The following TCTN3 variants were observed in gnomAD, a reference collection of about 807,000 sequenced individuals.
The protein encoded by TCTN3 is tectonic family member 3, also known as tectonic-3.
Under a neutral mutation model 71.3 loss-of-function variants are expected in TCTN3, and 57 were observed. The ratio of observed to expected loss-of-function variants is 0.80; its 90% CI spans 0.65 to 1.00. The LOEUF (loss-of-function observed/expected upper bound fraction) is 1.00, where lower values mean the gene tolerates loss of function less well. TCTN3 is among the 50% of genes least tolerant of loss of function. The pLI is 0.00. For synonymous variants in TCTN3, 258 were observed against 267.8 expected (o/e 0.96, Z 0.36); for missense variants, 696 against 719.9 (o/e 0.97, Z 0.38).
chr10:95,683,968 A>AAT (rs1555269959), intron 9 of TCTN3, among the ~76,000 whole-genome samples: 1 of 151,652 alleles, frequency 6.6e-6, no homozygotes, highest in Non-Finnish European at 1.5e-5. Context: ...GTAATTAAAA[A>AAT]ATATATATTT....
intron 3 of TCTN3, 89 bp downstream of exon 3, chr10:95,692,831 G>T (rs2097954797): frequency 3.1e-6 from 3 of 971,746 alleles, no homozygotes; most frequent in South Asian, 1.3e-5. Context: ...TGTGGCCCAA[G>T]ACAATTCTTC....
intron 13 of TCTN3, among the ~76,000 whole-genome samples, chr10:95,674,349 T>C (rs919470308): frequency 4.6e-5 from 7 of 152,112 alleles, no homozygotes; most frequent in African/African-American, 1.4e-4. Flanking sequence ...TAGAGTTTCC[T>C]AGTGACTTTA....
chr10:95,693,533 C>T, intron 1 of TCTN3, 57 bp from the exon 2 acceptor site: 1 of 1,550,352 alleles, frequency 6.5e-7, no homozygotes, highest in Non-Finnish European at 8.7e-7. Context: ...CTCCCAGGTG[C>T]TCACCCTCCT....
intron 13 of TCTN3, among the ~76,000 whole-genome samples, chr10:95,675,804 T>A (rs2097936419): frequency 6.6e-6 from 1 of 152,256 alleles, no homozygotes; most frequent in African/African-American, 2.4e-5. Context: ...TAAAATCTAA[T>A]GTTGAATTAC....
intron 3 of TCTN3, 106 bp downstream of exon 3, chr10:95,692,814 T>G: frequency 1.2e-6 from 1 of 807,520 alleles, no homozygotes; most frequent in Non-Finnish European, 2.1e-6. Context: ...CGTTAGTGTA[T>G]TTTACGTGTG....
intron 13 of TCTN3, among the ~76,000 whole-genome samples, chr10:95,671,636 T>G (rs1025145177): frequency 3.3e-5 from 5 of 152,254 alleles, no homozygotes; most frequent in Admixed American, 3.3e-4. Context: ...TAGAACAAAT[T>G]CATCTTTGGT....
chr10:95,688,719 T>C (rs1313413050), intron 3 of TCTN3, among the ~76,000 whole-genome samples: 1 of 152,234 alleles, frequency 6.6e-6, no homozygotes. Context: ...AAGGGTATTT[T>C]CTGGAAGAAT....
chr10:95,674,754 A>C (rs1419562248), intron 13 of TCTN3, among the ~76,000 whole-genome samples: 1 of 152,156 alleles, frequency 6.6e-6, no homozygotes. Context: ...TTCTATTATG[A>C]ATGTTAGACT....
Position 95,674,851 on chromosome 10 carries a change from G to GAATA in TCTN3, c.1590+5617_1590+5620dup, listed in dbSNP as rs1481447053. Among the ~76,000 whole-genome samples, 154 of 151,866 alleles carry GAATA rather than the reference G, an allele frequency of 1.0e-3. 1 individual carries two copies. The highest frequency in any genetic ancestry group is 1.0e-3 in the Non-Finnish European group (70 of 67,950). ...TGAATGAATGAATGAATGAATGAATGAATAAATAAAGTGTGTTGTAAATGT... is the reference window on the plus strand; with the variant it reads ...TGAATGAATGAATGAATGAATGAATGAATAAATAAATAAAGTGTGTTGTAAATGT... On this transcript the variant is annotated intron_variant, in intron 13 of 13. Transcript: ENST00000371217.
rs60722894 is a variant in TCTN3, at chr10:95,688,397, GAAAAAAA to G, written c.500-685_500-679del. Among the ~76,000 whole-genome samples the G allele has an allele frequency of 1.5e-3, 162 of 104,576 alleles. 3 individuals are homozygous for G. In the East Asian group the frequency reaches 0.038, roughly 25 times the overall value. The allele number at this position is 104,576 out of a possible 152,430, so 68.6% of individuals were successfully genotyped here. ...AAGAGCGAAACTCTGTCAAAAAAAA[GAAAAAAA>G]AAAAAAAAAAAAAAGAAAAAAAAAG... is the stretch of plus-strand genomic sequence containing the variant. On this transcript the variant is annotated intron_variant, in intron 3 of 13. Coordinates refer to ENST00000371217, the MANE Select transcript of TCTN3 (RefSeq NM_015631.6).
At chr10:95,680,744 A>C in intron 12 of TCTN3, 135 bp from the exon 13 acceptor site, 1 of 1,018,152 alleles carries the variant, frequency 9.8e-7, no homozygotes, top group Non-Finnish European at 1.4e-6. Flanking sequence ...AAGAACACAA[A>C]AGTTCACAAT....
At position 95,683,635 on chromosome 10, in the gene TCTN3, G is replaced by T. The variant is rs747714818; in HGVS notation, c.1096-6C>A. The T allele has an allele frequency of 3.7e-6, 6 of 1,601,884 alleles. No homozygotes were observed. Among genetic ancestry groups the T allele is most frequent in the Non-Finnish European group, 3.4e-6 (4 of 1,173,042 alleles). The stretch of plus-strand genomic sequence containing the variant: ...GCTGTGCTCTGTTGAAAAGCCTGCA[G>T]AAAGAGGGAAGAGAAGTCAATTATG... On this transcript the variant is annotated splice_polypyrimidine_tract_variant and splice_region_variant and intron_variant, in intron 9 of 13. Coordinates refer to ENST00000371217, the MANE Select transcript of TCTN3 (RefSeq NM_015631.6).
At chr10:95,685,487 G>GT in intron 8 of TCTN3, 69 bp downstream of exon 8, 1 of 1,289,452 alleles carries the variant, frequency 7.8e-7, no homozygotes, top group Non-Finnish European at 1.1e-6. Context: ...ATACTTAATG[G>GT]AAGATGAGGC....
At chr10:95,688,658 T>G (rs939020611) in intron 3 of TCTN3, among the ~76,000 whole-genome samples, 1 of 152,196 alleles carries the variant, frequency 6.6e-6, no homozygotes, top group African/African-American at 2.4e-5. Flanking sequence ...TTTGTTGCAT[T>G]TTATTCCTTA....
chr10:95,666,635 T>A (rs1431752812), intron 13 of TCTN3, among the ~76,000 whole-genome samples: 3 of 152,196 alleles, frequency 2.0e-5, no homozygotes, highest in African/African-American at 7.2e-5. Flanking sequence ...CCTGGTGACC[T>A]ATACTGGCTG....
chr10:95,686,551 T>C, intron 6 of TCTN3, 21 bp from the exon 7 acceptor site: 1 of 1,613,738 alleles, frequency 6.2e-7, no homozygotes, highest in Non-Finnish European at 8.5e-7. Context: ...AGCAGGGACA[T>C]GAATGTGCAT....
chr10:95,677,726 G>C (rs2097938900), intron 13 of TCTN3, among the ~76,000 whole-genome samples: 1 of 152,110 alleles, frequency 6.6e-6, no homozygotes, highest in Non-Finnish European at 1.5e-5. Context: ...ACCTGAAAGA[G>C]AAGTGGGATG....
At chr10:95,682,513 G>T in intron 12 of TCTN3, 138 bp downstream of exon 12, 2 of 1,010,290 alleles carry the variant, frequency 2.0e-6, no homozygotes, top group Admixed American at 3.1e-5. Context: ...AAGGCTTCAA[G>T]TGGGCATGAT....
chr10:95,675,440 T>C (rs1021377225), intron 13 of TCTN3, among the ~76,000 whole-genome samples: 2 of 152,126 alleles, frequency 1.3e-5, no homozygotes, highest in African/African-American at 4.8e-5. Context: ...TGAAAAGTTC[T>C]TTTAAAAAAA....
Sources: gnomAD v4.1 joint callset for allele counts (sites outside exome capture counted in the v4.1 genomes callset) on GRCh38, gnomAD v4.1.1 for gene constraint, MANE v1.5 for transcripts, NCBI Gene and HGNC (gene_info 2026-07-23, HGNC 2026-07-21) for gene names.